The following CDC42BPB variants were observed in gnomAD, a reference collection of about 807,000 sequenced individuals.
CDC42BPB encodes the protein serine/threonine-protein kinase MRCK beta.
In CDC42BPB, 37 loss-of-function variants were observed where a neutral mutation model predicts 214.9. The ratio of observed to expected loss-of-function variants is 0.17; its 90% CI spans 0.13 to 0.23. The LOEUF (loss-of-function observed/expected upper bound fraction) is 0.23. CDC42BPB is among the 10% of genes least tolerant of loss of function. The probability of loss-of-function intolerance (pLI) is 1.00; values close to 1 mark genes in which losing one functional copy is unlikely to be tolerated. For synonymous variants in CDC42BPB, 931 were observed against 884.0 expected (o/e 1.05, Z -0.94); for missense variants, 1,694 against 2,227.0 (o/e 0.76, Z 4.82).
chr14:102,991,227 A>G (rs187285785), intron 5 of CDC42BPB, among the ~76,000 whole-genome samples: 2 of 152,354 alleles, frequency 1.3e-5, no homozygotes, highest in African/African-American at 4.8e-5. Flanking sequence ...ACACCCTGAG[A>G]AGGACACAAT....
At chr14:102,948,012 C>A (rs1892264638) in intron 26 of CDC42BPB, 12 of 971,164 alleles carry the variant, frequency 1.2e-5, no homozygotes, top group African/African-American at 1.8e-5. Context: ...AGGGATGCCG[C>A]AAGGGAAACC....
chr14:103,007,492 G>C (rs547743167), intron 3 of CDC42BPB, among the ~76,000 whole-genome samples: 1 of 152,294 alleles, frequency 6.6e-6, no homozygotes, highest in Admixed American at 6.5e-5. Context: ...CAAATTACTA[G>C]AAGGGTGAGA....
chr14:102,972,332 A>T (rs1478964826), intron 12 of CDC42BPB, 171 bp from the exon 13 acceptor site: 1 of 985,308 alleles, frequency 1.0e-6, no homozygotes, highest in Non-Finnish European at 1.2e-6. Context: ...GTCTCGTGCC[A>T]GCCACACAGG....
intron 5 of CDC42BPB, among the ~76,000 whole-genome samples, chr14:102,987,312 CAT>C (rs1352458600): frequency 1.3e-5 from 2 of 152,382 alleles, no homozygotes; most frequent in East Asian, 3.9e-4. Flanking sequence ...CTCTCAAACA[CAT>C]GTGCGGGTGC....
At chr14:102,956,746 T>C (rs934652674) in intron 21 of CDC42BPB, among the ~76,000 whole-genome samples, 4 of 152,092 alleles carry the variant, frequency 2.6e-5, no homozygotes, top group African/African-American at 9.7e-5. Flanking sequence ...GGAGAATCGC[T>C]TGAGCCCAGG....
chr14:102,979,206 A>G (rs906051829), intron 8 of CDC42BPB, among the ~76,000 whole-genome samples: 2 of 151,516 alleles, frequency 1.3e-5, no homozygotes, highest in African/African-American at 4.8e-5. Flanking sequence ...AAATAGATTT[A>G]ACTTTTCTTG....
Position 102,970,134 on chromosome 14 carries a change from C to T in CDC42BPB, c.1995+17G>A, listed in dbSNP as rs537626835. 6.3e-7 allele frequency: 1 copy of T among 1,587,984 alleles called. No individual in the cohort carries two copies. Among genetic ancestry groups the T allele is most frequent in the Non-Finnish European group, 8.6e-7 (1 of 1,158,764 alleles). On this transcript the variant is annotated intron_variant, in intron 14 of 36. Coordinates refer to ENST00000361246, the MANE Select transcript of CDC42BPB (RefSeq NM_006035.4). ...CATCCCTCTCAGTTAAGGGCAGAGACCCCCGCCCAGCACTACCTTGAGGGC... is the reference window on the plus strand; with the variant it reads ...CATCCCTCTCAGTTAAGGGCAGAGATCCCCGCCCAGCACTACCTTGAGGGC...
Position 102,939,811 on chromosome 14 carries a change from C to A in CDC42BPB, c.4709+19G>T. 6.2e-7 allele frequency: 1 copy of A among 1,614,038 alleles called. No individual in the cohort carries two copies. Among genetic ancestry groups the A allele is most frequent in the Non-Finnish European group, 8.5e-7 (1 of 1,180,030 alleles). ...CCCTAGAGCGAGGCCCAGCAGGCCC[C>A]GTGAGGCCCCGCTCCTACCGCCTCT... is the stretch of plus-strand genomic sequence containing the variant. On this transcript the variant is annotated intron_variant, in intron 33 of 36. Transcript: ENST00000361246.
chr14:103,057,392 C>A lies in CDC42BPB; in HGVS notation c.-219G>T, dbSNP rs1181236594. 4 of 885,684 alleles carry A rather than the reference C, an allele frequency of 4.5e-6. No homozygotes were observed. The highest frequency in any genetic ancestry group is 6.2e-5 in the Admixed American group (1 of 16,174). 54.9% of individuals were successfully genotyped at this position (885,684 alleles called of 1,614,324 possible). ...CGCCGGGCCCCGCGGGTCCATGGGC[C>A]GCTCTCCTCCCCTCGGCGCCGCCGC... On this transcript the variant is annotated 5_prime_UTR_variant, in exon 1 of 37. Coordinates refer to ENST00000361246, the MANE Select transcript of CDC42BPB (RefSeq NM_006035.4).
intron 1 of CDC42BPB, among the ~76,000 whole-genome samples, chr14:103,043,820 C>G (rs1048587282): frequency 4.7e-5 from 7 of 148,596 alleles, no homozygotes; most frequent in Admixed American, 4.0e-4. Flanking sequence ...AAAACTCCTC[C>G]TAACATATTA....
At chr14:102,974,300 A>ACACG in intron 11 of CDC42BPB, 151 bp from the exon 12 acceptor site, 1 of 1,449,916 alleles carries the variant, frequency 6.9e-7, no homozygotes, top group South Asian at 1.5e-5. Flanking sequence ...ACACACACAC[A>ACACG]CACACACACA....
At chr14:102,996,008 A>T (rs1894713115) in intron 5 of CDC42BPB, among the ~76,000 whole-genome samples, 1 of 152,268 alleles carries the variant, frequency 6.6e-6, no homozygotes, top group African/African-American at 2.4e-5. Context: ...TTTGATGTCT[A>T]CTATGCCCGG....
chr14:102,981,004 T>A lies in CDC42BPB; in HGVS notation c.909A>T (p.Pro303=). 1.2e-6 allele frequency: 2 copies of A among 1,614,194 alleles called. No individual in the cohort carries two copies. The highest frequency in any genetic ancestry group is 1.7e-6 in the Non-Finnish European group (2 of 1,180,042). The change falls in exon 8 of 37, where the codon CCA becomes CCT. Residue 303 remains proline, a synonymous_variant. Transcript: ENST00000361246. Reference sequence around the variant, plus strand: ...CTTCAGATACATCCGTGACATGGGATGGGAACTGGAATCGCTCCTGCAAGG... The same window carrying A: ...CTTCAGATACATCCGTGACATGGGAAGGGAACTGGAATCGCTCCTGCAAGG... ...IMNHEERFQF[P]SHVTDVSEEA...
At chr14:102,964,874 T>C (rs1004818993) in intron 18 of CDC42BPB, 1 of 585,010 alleles carries the variant, frequency 1.7e-6, no homozygotes, top group African/African-American at 2.0e-5. Context: ...ATTTACTTTA[T>C]CTTTTAGAAG....
chr14:103,006,036 G>C (rs984312153), intron 3 of CDC42BPB, among the ~76,000 whole-genome samples: 2 of 133,494 alleles, frequency 1.5e-5, no homozygotes, highest in Non-Finnish European at 3.1e-5. Context: ...AAAAAAAAAA[G>C]ATGGCTGTTG....
At chr14:102,971,441 C>T (rs1298928463) in intron 13 of CDC42BPB, among the ~76,000 whole-genome samples, 1 of 152,220 alleles carries the variant, frequency 6.6e-6, no homozygotes, top group Non-Finnish European at 1.5e-5. Context: ...CAAGACACTT[C>T]AGAAGCACTC....
At chr14:103,000,838 C>T (rs1335812757) in intron 4 of CDC42BPB, among the ~76,000 whole-genome samples, 1 of 152,214 alleles carries the variant, frequency 6.6e-6, no homozygotes, top group African/African-American at 2.4e-5. Flanking sequence ...CCTCTGGCAC[C>T]AAGACCCCAT....
At chr14:103,056,618 T>C (rs955431944) in intron 1 of CDC42BPB, among the ~76,000 whole-genome samples, 11 of 117,218 alleles carry the variant, frequency 9.4e-5, no homozygotes, top group East Asian at 2.5e-4. Context: ...CTGCAGGAAA[T>C]GATATCCAGA....
intron 2 of CDC42BPB, among the ~76,000 whole-genome samples, chr14:103,010,167 G>A (rs1886068874): frequency 6.6e-6 from 1 of 152,236 alleles, no homozygotes; most frequent in Middle Eastern, 3.4e-3. Context: ...CATGCCTGTA[G>A]TCACAACTAC....
Sources: gnomAD v4.1 joint callset for allele counts (sites outside exome capture counted in the v4.1 genomes callset) on GRCh38, gnomAD v4.1.1 for gene constraint, MANE v1.5 for transcripts, NCBI Gene and HGNC (gene_info 2026-07-23, HGNC 2026-07-21) for gene names.